IRAG2: variants seen among roughly 807,000 people sequenced by gnomAD.
IRAG2 encodes lymphoid restricted membrane protein.
In IRAG2, 45 loss-of-function variants were observed where a neutral mutation model predicts 69.9. The ratio of observed to expected loss-of-function variants is 0.64; its 90% CI spans 0.51 to 0.83. The LOEUF is 0.83. Among genes scored for constraint, IRAG2 ranks in the 40% least tolerant of loss-of-function variants. The pLI is 0.00. For missense variants in IRAG2, 520 were observed against 587.0 expected (o/e 0.89, Z 1.18); for synonymous variants, 193 against 202.4 (o/e 0.95, Z 0.40).
Position 25,107,761 on chromosome 12 carries a change from A to G in IRAG2, c.1257-56A>G, listed in dbSNP as rs1477437064. 5 of 1,554,702 alleles carry G rather than the reference A, an allele frequency of 3.2e-6. No homozygotes were observed. The African/African-American group carries it at 6.8e-5, about 21-fold the overall frequency. On this transcript the variant is annotated intron_variant, in intron 21 of 21. Coordinates refer to ENST00000556887, the MANE Select transcript of IRAG2 (RefSeq NM_001366544.2). ...CCTGACTGGTGGTGTTAGCAAAAGGAATGTTTCTAATGACAAATTACCGAT... is the reference window on the plus strand; with the variant it reads ...CCTGACTGGTGGTGTTAGCAAAAGGGATGTTTCTAATGACAAATTACCGAT...
intron 18 of IRAG2, 40 bp downstream of exon 18, chr12:25,103,939 C>A (rs752672255): frequency 5.6e-6 from 9 of 1,598,666 alleles, no homozygotes; most frequent in Middle Eastern, 1.7e-4. Flanking sequence ...AAGGTAAATT[C>A]ATTTTCATAT....
At chr12:25,052,162 G>GTGACT (rs763269976), upstream of IRAG2, 13 of 393,794 alleles carry the variant, frequency 3.3e-5, no homozygotes, top group Non-Finnish European at 5.3e-5. Context: ...ATTTCACAGG[G>GTGACT]TGACTCTTAG....
At chr12:25,097,134 G>C (rs1948465424) in intron 15 of IRAG2, 90 bp downstream of exon 15, 1 of 1,326,500 alleles carries the variant, frequency 7.5e-7, no homozygotes, top group African/African-American at 1.5e-5. Context: ...CTAGGAATAA[G>C]TTTTAAAAAA....
chr12:25,015,088 G>GAAAAAAA, intron 3 of IRAG2: 1,353 of 50,830 alleles, frequency 0.027, 161 homozygotes, highest in African/African-American at 0.049. Flanking sequence ...GCATAAATCT[G>GAAAAAAA]AAAAAAAAAA....
chr12:25,101,062 T>G, intron 15 of IRAG2, 116 bp from the exon 16 acceptor site: 1 of 801,514 alleles, frequency 1.2e-6, no homozygotes, highest in Non-Finnish European at 1.8e-6. Context: ...AAAAAAAACA[T>G]TTATTGCCAC....
intron 16 of IRAG2, 52 bp from the exon 17 acceptor site, chr12:25,102,146 C>T (rs1345336881): frequency 6.9e-7 from 1 of 1,443,302 alleles, no homozygotes; most frequent in African/African-American, 1.4e-5. Context: ...GTTGCTTTAA[C>T]ATAAATGGCA....
At chr12:25,059,640 C>T (rs1354621193) in intron 1 of IRAG2, among the ~76,000 whole-genome samples, 1 of 152,112 alleles carries the variant, frequency 6.6e-6, no homozygotes, top group East Asian at 1.9e-4. Flanking sequence ...AGGCATGAGC[C>T]ACCGCACCCA....
chr12:25,080,437 C>T (rs1406132018), intron 9 of IRAG2, among the ~76,000 whole-genome samples: 6 of 151,464 alleles, frequency 4.0e-5, no homozygotes, highest in African/African-American at 9.7e-5. Context: ...CTACAAGCTC[C>T]GCCTCCCGGG....
chr12:25,000,734 T>A (rs1304143077), upstream of IRAG2, among the ~76,000 whole-genome samples: 1 of 152,252 alleles, frequency 6.6e-6, no homozygotes, highest in Admixed American at 6.5e-5. Flanking sequence ...GTGTACCATC[T>A]TTATGTAGTA....
rs1289821600 is a variant in IRAG2, at chr12:25,032,306, AT to A, written c.1583del (p.Leu528TyrfsTer26). 3 of 398,912 alleles carry A rather than the reference AT, an allele frequency of 7.5e-6. No homozygotes were observed. In the Admixed American group the frequency reaches 1.3e-4, roughly 18 times the overall value. The allele number at this position is 398,912 out of a possible 1,614,324, so 24.7% of individuals were successfully genotyped here. ...GCCTAATGTTGTGTGCGATTCCAGA[AT>A]TTACGAGGGGAAAAAAGTAAACTGG... On this transcript the variant is annotated frameshift_variant and splice_region_variant, in exon 12 of 39. Transcript: ENST00000636465. LOFTEE classifies it high-confidence loss of function.
intron 17 of IRAG2, 117 bp from the exon 18 acceptor site, chr12:25,103,720 T>C (rs1948879442): frequency 1.4e-6 from 1 of 712,816 alleles, no homozygotes; most frequent in Non-Finnish European, 2.4e-6. Flanking sequence ...GATATGTCTG[T>C]TTAACTCAGC....
At chr12:25,021,291 A>G (rs1414119735) in intron 7 of IRAG2, among the ~76,000 whole-genome samples, 1 of 151,256 alleles carries the variant, frequency 6.6e-6, no homozygotes, top group Non-Finnish European at 1.5e-5. Flanking sequence ...CAAGATTTAA[A>G]TTTTTTACAT....
chr12:25,012,018 G>A (rs1435242409), intron 3 of IRAG2, among the ~76,000 whole-genome samples: 2 of 152,042 alleles, frequency 1.3e-5, no homozygotes, highest in African/African-American at 4.8e-5. Flanking sequence ...GGAGGCTAAG[G>A]GGAACAAGAA....
chr12:25,035,755 G>A, exon 14 of IRAG2: 1 of 398,980 alleles, frequency 2.5e-6, no homozygotes, highest in Admixed American at 4.4e-5. Context: ...CGCACAGAAG[G>A]CAGTGGAATT....
At chr12:25,036,730 TTTG>T (rs139436725) in intron 15 of IRAG2, 11,679 of 398,570 alleles carry the variant, frequency 0.029, 221 homozygotes, top group East Asian at 0.072. Context: ...TTTCTTCTAC[TTTG>T]TTAAGCCAGG....
intron 16 of IRAG2, among the ~76,000 whole-genome samples, chr12:25,039,071 A>G (rs1483287321): frequency 5.3e-5 from 8 of 152,248 alleles, no homozygotes; most frequent in Non-Finnish European, 8.8e-5. Context: ...CAGTGATTAT[A>G]TCTTTTGTTA....
rs1945715504 is a variant in IRAG2 at position 25,062,848 on chromosome 12, A to G, written c.-356A>G. The G allele has an allele frequency of 7.5e-6, 3 of 398,886 alleles. No individual in the cohort carries two copies. Among genetic ancestry groups the G allele is most frequent in the South Asian group, 1.3e-4 (1 of 7,868 alleles). 24.7% of individuals were successfully genotyped at this position (398,886 alleles called of 1,614,324 possible). On this transcript the variant is annotated 5_prime_UTR_variant, in exon 3 of 22. An upstream start codon of the reference 5' UTR is lost. Transcript: ENST00000556887. ...TTTTTAGATGAGGAATTTCCTCACTATGATTCCCTGTCCTGCGCAGATGCA... is the reference window on the plus strand; with the variant it reads ...TTTTTAGATGAGGAATTTCCTCACTGTGATTCCCTGTCCTGCGCAGATGCA...
At chr12:25,050,007 A>AAAAAAAAC, upstream of IRAG2, among the ~76,000 whole-genome samples, 1 of 143,678 alleles carries the variant, frequency 7.0e-6, no homozygotes. Flanking sequence ...AAAAAAAAAA[A>AAAAAAAAC]AGCTACTCGG....
At chr12:24,999,818 T>TAAAA (rs11403723), upstream of IRAG2, among the ~76,000 whole-genome samples, 2 of 141,986 alleles carry the variant, frequency 1.4e-5, no homozygotes. Context: ...CAGATTTAGC[T>TAAAA]AAAAAAAAAA....
Sources: allele counts gnomAD v4.1 joint callset (sites outside exome capture counted in the v4.1 genomes callset), GRCh38; gene constraint gnomAD v4.1.1; transcripts MANE v1.5; gene names NCBI Gene and HGNC (gene_info 2026-07-23, HGNC 2026-07-21).